ITPR3: variants seen among roughly 807,000 people sequenced by gnomAD.
ITPR3 encodes the protein inositol 1,4,5-trisphosphate-gated calcium channel ITPR3.
ITPR3 carries 173 observed loss-of-function variants against 293.2 expected under a neutral mutation model. That is an observed-to-expected ratio of 0.59 (90% CI 0.52 to 0.67). ITPR3 has a LOEUF of 0.67. Among genes scored for constraint, ITPR3 ranks in the 30% least tolerant of loss-of-function variants. The pLI, the probability that ITPR3 is intolerant of heterozygous loss-of-function variation, is 0.00. For synonymous variants in ITPR3, 1,295 were observed against 1,444.4 expected, an observed-to-expected ratio of 0.90 and a Z score of 2.35; for missense variants, 2,796 against 3,592.1, an observed-to-expected ratio of 0.78 and a Z score of 5.66.
Position 33,688,177 on chromosome 6 carries a change from T to C in ITPR3, c.6375+10T>C. On this transcript the variant is annotated intron_variant, in intron 47 of 57. Transcript: ENST00000605930. The stretch of plus-strand genomic sequence containing the variant: ...CACGTCCCAGATCGAGGTGGGCCTG[T>C]GGGCAGCAGGGGCGGGCGTGGGAGC... The C allele has an allele frequency of 6.2e-7, 1 of 1,613,996 alleles. No homozygotes were observed. The highest frequency in any genetic ancestry group is 1.1e-5 in the South Asian group (1 of 91,072).
chr6:33,651,123 AAAAATT>A (rs755992053), intron 2 of ITPR3, among the ~76,000 whole-genome samples: 11 of 151,490 alleles, frequency 7.3e-5, no homozygotes, highest in Non-Finnish European at 1.6e-4. Flanking sequence ...GAAAAATACA[AAAAATT>A]AGCCGGGCGT....
chr6:33,643,086 C>T (rs1420649572), intron 2 of ITPR3, among the ~76,000 whole-genome samples: 1 of 152,234 alleles, frequency 6.6e-6, no homozygotes, highest in Non-Finnish European at 1.5e-5. Context: ...GGCCTCAAGC[C>T]AGGAGTCCTG....
At chr6:33,622,994 C>A (rs1763472993) in intron 1 of ITPR3, among the ~76,000 whole-genome samples, 1 of 152,186 alleles carries the variant, frequency 6.6e-6, no homozygotes, top group Non-Finnish European at 1.5e-5. Context: ...TCCCCACTTC[C>A]ACTAGATCTA....
In ITPR3 at chr6:33,692,596, C is replaced by T. The variant is rs1203884021; in HGVS notation, c.7459-132C>T. On this transcript the variant is annotated intron_variant, in intron 54 of 57. Coordinates refer to ENST00000605930, the MANE Select transcript of ITPR3 (RefSeq NM_002224.4). This position sits in a 1 kb window ranked among gnomAD's most constrained non-coding sequence, Gnocchi z 4.2. ...ACTCTGCCATCTGATGGCCCCCAGG[C>T]CAGAGGCCCTCATTTCCTTCTGCTA... 4.8e-6 allele frequency: 4 copies of T among 826,044 alleles called. No individual in the cohort carries two copies. The highest frequency in any genetic ancestry group is 7.5e-6 in the Non-Finnish European group (4 of 532,784). 51.2% of individuals were successfully genotyped at this position (826,044 alleles called of 1,614,324 possible). A position where few individuals can be genotyped will look rare whatever the true frequency, so the allele number is the denominator to read the frequency against.
In ITPR3 at chr6:33,667,513, C is replaced by T. The variant is rs1379834559; in HGVS notation, c.1713+223C>T. Reference sequence around the variant, plus strand: ...CTGCTGAGCAAGGGTCCTGCTCTTTCATTCTGCACTGGGCCCTACAAGTTA... The same window carrying T: ...CTGCTGAGCAAGGGTCCTGCTCTTTTATTCTGCACTGGGCCCTACAAGTTA... On this transcript the variant is annotated intron_variant, in intron 15 of 57. Coordinates refer to ENST00000605930, the MANE Select transcript of ITPR3 (RefSeq NM_002224.4). The surrounding 1 kb of genome is among the most constrained non-coding windows in gnomAD (Gnocchi z 4.4). Among the ~76,000 whole-genome samples the T allele has an allele frequency of 6.6e-6, 1 of 152,194 alleles. No homozygotes were observed. Among genetic ancestry groups the T allele is most frequent in the African/African-American group, 2.4e-5 (1 of 41,454 alleles).
chr6:33,685,249 C>T (rs1361120308), intron 39 of ITPR3, 110 bp from the exon 40 acceptor site: 2 of 1,116,202 alleles, frequency 1.8e-6, no homozygotes, highest in Non-Finnish European at 2.6e-6. Flanking sequence ...GGCCTGCAGC[C>T]AGGCCCCTGC....
At position 33,680,576 on chromosome 6, in the gene ITPR3, C is replaced by T. The variant is rs756960340; in HGVS notation, c.4372C>T (p.Arg1458Cys). ...TCAGGTCTGCAGCAAGCGTGAGAAG[C>T]GCGTGGCTGACCCCACCTTGGAGAA... ...MARVCSKREK[R>C]VADPTLEKYV... is the part of the protein sequence containing the mutation. Residue 1458 changes from arginine to cysteine, a missense_variant, in exon 33 of 58, where the codon CGC becomes TGC. Transcript: ENST00000605930. 6.8e-6 allele frequency: 11 copies of T among 1,613,900 alleles called. No homozygotes were observed. Among genetic ancestry groups the T allele is most frequent in the Admixed American group, 3.3e-5 (2 of 60,008 alleles).
At chr6:33,690,287 C>T (rs1765355802) in intron 51 of ITPR3, 89 bp downstream of exon 51, 2 of 1,268,844 alleles carry the variant, frequency 1.6e-6, no homozygotes, top group Admixed American at 4.1e-5. Context: ...CGGCACCAGT[C>T]TGTCTGTCCA....
At chr6:33,676,645 G>A (rs572116554) in intron 25 of ITPR3, 123 bp from the exon 26 acceptor site, 25 of 1,153,800 alleles carry the variant, frequency 2.2e-5, no homozygotes, top group African/African-American at 9.3e-5. Context: ...GAATCGGCTC[G>A]GTGGAGAGGG....
chr6:33,642,723 G>A (rs1358342327), intron 2 of ITPR3, among the ~76,000 whole-genome samples: 1 of 152,086 alleles, frequency 6.6e-6, no homozygotes, highest in East Asian at 1.9e-4. Flanking sequence ...CCCAAAGCCT[G>A]TGAATGAGGC....
chr6:33,626,744 A>C (rs568284100), intron 1 of ITPR3, among the ~76,000 whole-genome samples: 270 of 152,322 alleles, frequency 1.8e-3, no homozygotes, highest in African/African-American at 6.0e-3. Context: ...TTCCAGGAGC[A>C]GGGGACTGCC....
rs201862933 is a variant in ITPR3 at position 33,685,434 on chromosome 6, C to T, written c.5383C>T (p.Arg1795Trp). 5.8e-5 allele frequency: 94 copies of T among 1,613,986 alleles called. No homozygotes were observed. Among genetic ancestry groups the T allele is most frequent in the Non-Finnish European group, 7.4e-5 (87 of 1,179,990 alleles). Residue 1795 changes from arginine to tryptophan, a missense_variant, in exon 40 of 58, where the codon CGG becomes TGG. By Grantham distance (101) the Arg-to-Trp change is moderately radical. Transcript: ENST00000605930. ...CAAGGTGCTGCACGACCGCATGAAG[C>T]GGGCCCAGCAGGAGACCAAGTCCAC... ...FFKVLHDRMK[R>W]AQQETKSTVA... is the part of the protein sequence containing the mutation.
chr6:33,685,090 T>A, intron 39 of ITPR3, 147 bp downstream of exon 39: 1 of 996,594 alleles, frequency 1.0e-6, no homozygotes, highest in Non-Finnish European at 1.5e-6. Flanking sequence ...AGAGTGGGCA[T>A]GATGGGGGCA....
Position 33,680,672 on chromosome 6 carries a change from TC to T in ITPR3, c.4471del (p.Leu1491CysfsTer116). 6.2e-7 allele frequency: 1 copy of T among 1,612,634 alleles called. No individual in the cohort carries two copies. Among genetic ancestry groups the T allele is most frequent in the South Asian group, 1.1e-5 (1 of 91,042 alleles). ...FSSPFSENST[S>X]LQTHQTIVVQ... ...CTCCCCATTCTCTGAGAACAGCACT[TC>T]CCTGCAGGTGAGCTTCTCCTCTCCC... On this transcript the variant is annotated frameshift_variant, in exon 33 of 58. Transcript: ENST00000605930. LOFTEE classifies it high-confidence loss of function.
chr6:33,673,481 G>A, intron 22 of ITPR3, 110 bp from the exon 23 acceptor site: 2 of 1,401,056 alleles, frequency 1.4e-6, no homozygotes, highest in Middle Eastern at 3.7e-4. Flanking sequence ...CCAAGTGCTA[G>A]AGCCTATTTG....
intron 1 of ITPR3, among the ~76,000 whole-genome samples, chr6:33,630,507 C>T (rs7768202): frequency 0.29 from 44,223 of 151,630 alleles, 6,977 homozygotes; most frequent in East Asian, 0.48. Flanking sequence ...TTTTCTCCCT[C>T]TCTTCCCAGC....
rs1765161439 is a variant in ITPR3 at position 33,684,213 on chromosome 6, A to G, written c.4937+45A>G. 6.2e-7 allele frequency: 1 copy of G among 1,603,934 alleles called. No homozygotes were observed. ...ATGGGGGCAGCAGGGGTGCAGCGGC[A>G]GGGGACAGAGAAGGGCCCGGTGGGG... is the stretch of plus-strand genomic sequence containing the variant. On this transcript the variant is annotated intron_variant, in intron 36 of 57. Coordinates refer to ENST00000605930, the MANE Select transcript of ITPR3 (RefSeq NM_002224.4). The surrounding 1 kb of genome is among the most constrained non-coding windows in gnomAD (Gnocchi z 4.2).
Position 33,675,571 on chromosome 6 carries a change from T to C in ITPR3, c.3117-120T>C. On this transcript the variant is annotated intron_variant, in intron 24 of 57. Coordinates refer to ENST00000605930, the MANE Select transcript of ITPR3 (RefSeq NM_002224.4). This position sits in a 1 kb window ranked among gnomAD's most constrained non-coding sequence, Gnocchi z 5.0. ...GTCAATATTTTAAACACATTTAGAC[T>C]GGCCCTGCATCTGCTAATTGGGTGG... 9.4e-7 allele frequency: 1 copy of C among 1,060,086 alleles called. No homozygotes were observed. The highest frequency in any genetic ancestry group is 1.3e-6 in the Non-Finnish European group (1 of 746,480). The allele number at this position is 1,060,086 out of a possible 1,614,324, so 65.7% of individuals were successfully genotyped here.
rs571319160 is a variant in ITPR3, at chr6:33,682,610, C to A, written c.4563C>A (p.Ser1521=). The A allele has an allele frequency of 2.5e-6, 4 of 1,597,892 alleles. No individual in the cohort carries two copies. In the South Asian group the frequency reaches 4.5e-5, roughly 18 times the overall value. Residue 1521 remains serine (S), a synonymous_variant, in exon 34 of 58, where the codon TCC becomes TCA. Transcript: ENST00000605930. This position sits in a 1 kb window ranked among gnomAD's most constrained non-coding sequence, Gnocchi z 5.4. The part of the protein sequence containing the change: ...CPWLQQQHKG[S]VEACIRTLAM... ...GGCTACAGCAGCAGCACAAGGGCTC[C>A]GTGGAGGCCTGCATCCGGACCCTCG...
Sources: gnomAD v4.1 joint callset for allele counts (sites outside exome capture counted in the v4.1 genomes callset) on GRCh38, gnomAD v4.1.1 for gene constraint, Gnocchi (gnomAD v3.1) non-coding constraint, MANE v1.5 for transcripts, NCBI Gene and HGNC (gene_info 2026-07-23, HGNC 2026-07-21) for gene names.